DNAH3: variants seen among roughly 807,000 people sequenced by gnomAD.
The protein encoded by DNAH3 is dynein axonemal heavy chain 3, also known as axonemal beta dynein heavy chain 3.
DNAH3 carries 332 observed loss-of-function variants against 432.5 expected under a neutral mutation model. That is an observed-to-expected ratio of 0.77 (90% confidence interval 0.70 to 0.84). The LOEUF (loss-of-function observed/expected upper bound fraction) is 0.84, where lower values mean the gene tolerates loss of function less well. DNAH3 is among the 40% of genes least tolerant of loss of function. The probability of loss-of-function intolerance (pLI) is 0.00; values close to 1 mark genes in which losing one functional copy is unlikely to be tolerated. For synonymous variants in DNAH3, 1,956 were observed against 1,900.2 expected, an observed-to-expected ratio of 1.03 and a Z score of -0.76; for missense variants, 4,861 against 5,114.0, an observed-to-expected ratio of 0.95 and a Z score of 1.51.
intron 53 of DNAH3, 122 bp from the exon 54 acceptor site, chr16:20,959,526 TTGGGAGGCCGAGG>T (rs2084718700): frequency 1.0e-6 from 1 of 966,258 alleles, no homozygotes; most frequent in African/African-American, 1.6e-5. Flanking sequence ...TCCCAACACT[TTGGGAGGCCGAGG>T]TGGGAGGATC....
exon 48 of DNAH3, chr16:20,985,505 T>A (rs1207337997): frequency 6.2e-7 from 1 of 1,614,066 alleles, no homozygotes; most frequent in African/African-American, 1.3e-5. Context: ...ATGTGCTCAA[T>A]GGCAAACCTG....
intron 29 of DNAH3, among the ~76,000 whole-genome samples, chr16:21,050,831 G>A (rs1597245115): frequency 1.3e-5 from 2 of 152,290 alleles, no homozygotes; most frequent in Non-Finnish European, 2.9e-5. Flanking sequence ...TGTAATAGGT[G>A]CAAGATAAAT....
At chr16:21,145,902 AC>A (rs2092777023) in intron 2 of DNAH3, 81 bp downstream of exon 3, 1 of 917,930 alleles carries the variant, frequency 1.1e-6, no homozygotes, top group African/African-American at 1.6e-5. Context: ...CTCATTGAGT[AC>A]CTGCCAAATA....
intron 20 of DNAH3, among the ~76,000 whole-genome samples, chr16:21,079,646 A>T (rs922200766): frequency 2.0e-5 from 3 of 152,168 alleles, no homozygotes; most frequent in African/African-American, 7.2e-5. Flanking sequence ...CAAAAAATAA[A>T]AAATAAATAA....
intron 23 of DNAH3, 143 bp from the exon 24 acceptor site, chr16:21,067,562 G>A (rs1291818516): frequency 3.6e-6 from 3 of 837,242 alleles, no homozygotes; most frequent in Non-Finnish European, 5.7e-6. Flanking sequence ...ACTGCACAGG[G>A]GTGAATGCTT....
At chr16:20,986,750 C>G (rs538515983) in intron 47 of DNAH3, among the ~76,000 whole-genome samples, 2 of 152,226 alleles carry the variant, frequency 1.3e-5, no homozygotes, top group Admixed American at 1.3e-4. Context: ...TATGTTAGAA[C>G]CCAGTGACGC....
chr16:20,964,313 G>C, exon 53 of DNAH3: 1 of 1,614,194 alleles, frequency 6.2e-7, no homozygotes, highest in Non-Finnish European at 8.5e-7. Context: ...AAGTTGAGGA[G>C]ACAGACCTTC....
intron 38 of DNAH3, among the ~76,000 whole-genome samples, chr16:21,025,787 G>A (rs2088520838): frequency 6.6e-6 from 1 of 152,016 alleles, no homozygotes; most frequent in Non-Finnish European, 1.5e-5. Flanking sequence ...AGGCTGGAGT[G>A]CAGTAGTGTG....
intron 6 of DNAH3, among the ~76,000 whole-genome samples, chr16:21,136,027 T>C (rs1228605259): frequency 1.3e-5 from 2 of 152,010 alleles, no homozygotes; most frequent in Non-Finnish European, 2.9e-5. Context: ...TCAGTGATGG[T>C]AGGGGGATGC....
At chr16:21,041,440 A>T (rs770153137) in intron 32 of DNAH3, among the ~76,000 whole-genome samples, 1 of 152,098 alleles carries the variant, frequency 6.6e-6, no homozygotes, top group Non-Finnish European at 1.5e-5. Context: ...GTTGACCTAG[A>T]TGGGAGGAGC....
exon 53 of DNAH3, chr16:20,964,311 G>C: frequency 6.2e-7 from 1 of 1,614,176 alleles, no homozygotes; most frequent in Non-Finnish European, 8.5e-7. Context: ...TGAAGTTGAG[G>C]AGACAGACCT....
At chr16:20,972,872 G>A (rs150114573) in intron 51 of DNAH3, among the ~76,000 whole-genome samples, 3,810 of 151,298 alleles carry the variant, frequency 0.025, 152 homozygotes, top group African/African-American at 0.087. Context: ...GGGATTACAG[G>A]TGCCCACCAC....
At chr16:20,950,430 A>G (rs2084261504) in intron 56 of DNAH3, among the ~76,000 whole-genome samples, 2 of 152,186 alleles carry the variant, frequency 1.3e-5, no homozygotes, top group Admixed American at 1.3e-4. Context: ...AGCACGCACT[A>G]TGACATCCAA....
chr16:21,097,443 C>A, exon 18 of DNAH3: 2 of 1,613,918 alleles, frequency 1.2e-6, no homozygotes, highest in Non-Finnish European at 1.7e-6. Flanking sequence ...GCATGGCCTG[C>A]AGAAGAGGGT....
intron 10 of DNAH3, chr16:21,120,934 G>T (rs759565990): frequency 2.8e-6 from 3 of 1,058,188 alleles, no homozygotes; most frequent in Admixed American, 3.9e-5. Context: ...TAGGAGAGCT[G>T]CCCAGTGTTT....
At chr16:20,934,051 G>C (rs1470473604) in intron 61 of DNAH3, among the ~76,000 whole-genome samples, 1 of 152,104 alleles carries the variant, frequency 6.6e-6, no homozygotes, top group Non-Finnish European at 1.5e-5. Flanking sequence ...CCACTGCTTA[G>C]ATTCAGAGGT....
chr16:21,141,417 T>A, intron 3 of DNAH3, 45 bp from the exon 5 acceptor site: 6 of 1,408,180 alleles, frequency 4.3e-6, no homozygotes, highest in Non-Finnish European at 5.9e-6. Context: ...GCAATGGCCT[T>A]GGGCCATTCT....
intron 1 of DNAH3, among the ~76,000 whole-genome samples, chr16:21,151,703 G>C (rs112918659): frequency 2.6e-4 from 40 of 152,252 alleles, no homozygotes; most frequent in African/African-American, 7.7e-4. Context: ...TATAAATGTT[G>C]TGGCTAACAT....
chr16:21,032,899 A>G (rs933610602), intron 36 of DNAH3, among the ~76,000 whole-genome samples: 11 of 152,220 alleles, frequency 7.2e-5, no homozygotes, highest in South Asian at 4.1e-4. Context: ...GTATATTAAA[A>G]TGGTATATTA....
Sources: gnomAD v4.1 joint callset for allele counts (sites outside exome capture counted in the v4.1 genomes callset) on GRCh38, gnomAD v4.1.1 for gene constraint, MANE v1.5 for transcripts, NCBI Gene and HGNC (gene_info 2026-07-23, HGNC 2026-07-21) for gene names.